The following TF variants were observed in gnomAD, a reference collection of about 807,000 sequenced individuals.
The protein encoded by TF is serotransferrin.
TF carries 55 observed loss-of-function variants against 82.4 expected under a neutral mutation model. The ratio of observed to expected loss-of-function variants is 0.67; its 90% CI spans 0.54 to 0.84. The LOEUF is 0.84. Ranked by LOEUF, TF falls within the 40% of genes least tolerant of loss-of-function variation. TF has a pLI of 0.00. For synonymous variants in TF, 332 were observed against 332.6 expected (o/e 1.00, Z 0.02); for missense variants, 737 against 868.4 (o/e 0.85, Z 1.90).
chr3:133,765,635 T>C (rs1934109388), intron 11 of TF, among the ~76,000 whole-genome samples: 1 of 152,174 alleles, frequency 6.6e-6, no homozygotes, highest in Non-Finnish European at 1.5e-5. Context: ...TCAGCAGATA[T>C]AGAAAAAGCC....
the TF span, among the ~76,000 whole-genome samples, chr3:133,739,044 C>T: frequency 1.4e-4 from 21 of 152,268 alleles, no homozygotes; most frequent in East Asian, 1.7e-3. Context: ...GGAGGCATCA[C>T]ACTACCTGAC....
the TF span, among the ~76,000 whole-genome samples, chr3:133,670,773 C>T: frequency 3.1e-4 from 47 of 152,320 alleles, 1 homozygote; most frequent in African/African-American, 8.4e-4. Context: ...GTGATCTCTG[C>T]GCTCATAGAT....
chr3:133,768,257 C>T, intron 13 of TF, 93 bp downstream of exon 13: 8 of 1,505,804 alleles, frequency 5.3e-6, no homozygotes, highest in Non-Finnish European at 7.3e-6. Context: ...GGTTCCTATT[C>T]CATTAGTGCG....
chr3:133,755,316 G>A (rs1236834064), intron 4 of TF, 47 bp from the exon 5 acceptor site: 1 of 1,613,618 alleles, frequency 6.2e-7, no homozygotes. Flanking sequence ...CATTGGCTGT[G>A]GCCAGCCTCA....
the TF span, among the ~76,000 whole-genome samples, chr3:133,668,576 C>T: frequency 2.0e-5 from 3 of 152,134 alleles, no homozygotes; most frequent in African/African-American, 7.2e-5. Flanking sequence ...CAGTGTGTAG[C>T]AGATGTGTGC....
the TF span, among the ~76,000 whole-genome samples, chr3:133,724,500 T>C: frequency 0.11 from 17,218 of 152,144 alleles, 1,212 homozygotes; most frequent in Non-Finnish European, 0.15. Context: ...TTTGATGGGG[T>C]TGTTTGGTTT....
chr3:133,733,210 C>G, the TF span, among the ~76,000 whole-genome samples: 1 of 152,170 alleles, frequency 6.6e-6, no homozygotes, highest in Non-Finnish European at 1.5e-5. Flanking sequence ...GCCATGCTGT[C>G]AAAATTTCAC....
At position 133,780,782 on chromosome 3, in the gene TF, G is replaced by C. The variant is rs763821934; in HGVS notation, c.*2162G>C. 6.6e-6 allele frequency: 1 copy of C among 152,182 alleles called. No individual in the cohort carries two copies. The highest frequency in any genetic ancestry group is 1.5e-5 in the Non-Finnish European group (1 of 68,056). 9.4% of individuals were successfully genotyped at this position (152,182 alleles called of 1,614,324 possible). A position where few individuals can be genotyped will look rare whatever the true frequency, so the allele number is the denominator to read the frequency against. On this transcript the variant is annotated 3_prime_UTR_variant, in exon 17 of 17. Transcript: ENST00000402696. ...AATCCCAGCATTTTGGGAGGCTGAG[G>C]TGGGTGGATCACCTGAGGTCAGGAG...
the TF span, among the ~76,000 whole-genome samples, chr3:133,700,546 C>T: frequency 3.9e-5 from 6 of 152,180 alleles, no homozygotes; most frequent in Non-Finnish European, 5.9e-5. Flanking sequence ...GGATGGAGAC[C>T]GCCACGGGTG....
chr3:133,713,552 C>T, the TF span, among the ~76,000 whole-genome samples: 2 of 152,350 alleles, frequency 1.3e-5, no homozygotes, highest in East Asian at 3.9e-4. Context: ...CATGCTTCTT[C>T]ATGCATCGCT....
At chr3:133,759,033 A>G in intron 8 of TF, 142 bp from the exon 9 acceptor site, 2 of 1,115,384 alleles carry the variant, frequency 1.8e-6, no homozygotes, top group South Asian at 2.5e-5. Context: ...TTTGCTTTCT[A>G]AGGTGATTAA....
the TF span, among the ~76,000 whole-genome samples, chr3:133,723,373 ACTTT>A: frequency 6.6e-6 from 1 of 151,114 alleles, no homozygotes. Context: ...GTTTTCTGTG[ACTTT>A]CTTAGTCTCT....
chr3:133,719,500 T>C, the TF span, among the ~76,000 whole-genome samples: 138,187 of 152,158 alleles, frequency 0.91, 63,000 homozygotes, highest in Non-Finnish European at 0.95. Context: ...GTGTTCCTTG[T>C]GGTGTCTCCC....
chr3:133,754,320 GTCT>G (rs1256612798), intron 3 of TF, among the ~76,000 whole-genome samples, 172 bp from the exon 4 acceptor site: 1 of 152,074 alleles, frequency 6.6e-6, no homozygotes, highest in Non-Finnish European at 1.5e-5. Flanking sequence ...TCCTTCTATG[GTCT>G]TCTCTCTCCC....
chr3:133,695,145 G>C, the TF span, among the ~76,000 whole-genome samples: 1 of 152,110 alleles, frequency 6.6e-6, no homozygotes, highest in East Asian at 1.9e-4. Flanking sequence ...ACCCTCAGAG[G>C]GGCTGCATGG....
At chr3:133,759,672 A>T (rs1191115756) in intron 9 of TF, among the ~76,000 whole-genome samples, 1 of 152,190 alleles carries the variant, frequency 6.6e-6, no homozygotes, top group Non-Finnish European at 1.5e-5. Context: ...GGATCCAATC[A>T]GGTACAAATT....
intron 11 of TF, 117 bp downstream of exon 11, chr3:133,765,024 C>T (rs754745537): frequency 6.1e-6 from 6 of 987,854 alleles, no homozygotes; most frequent in East Asian, 2.4e-5. Flanking sequence ...TTTCACAATG[C>T]GAGAGAATCA....
the TF span, among the ~76,000 whole-genome samples, chr3:133,695,522 A>G: frequency 1.3e-5 from 2 of 152,202 alleles, no homozygotes; most frequent in Admixed American, 6.5e-5. Context: ...CTGGGATTAC[A>G]GGCGTGAGCC....
intron 4 of TF, 79 bp downstream of exon 4, chr3:133,754,750 C>T (rs1024395804): frequency 6.8e-7 from 1 of 1,477,116 alleles, no homozygotes; most frequent in African/African-American, 1.4e-5. Context: ...TAGACAGTCA[C>T]CATCAGCAGA....
Sources: gnomAD v4.1 joint callset for allele counts (sites outside exome capture counted in the v4.1 genomes callset) on GRCh38, gnomAD v4.1.1 for gene constraint, MANE v1.5 for transcripts, NCBI Gene and HGNC (gene_info 2026-07-23, HGNC 2026-07-21) for gene names.